The following SPAG16 variants were observed in gnomAD, a reference collection of about 807,000 sequenced individuals.
The protein encoded by SPAG16 is sperm associated antigen 16.
SPAG16 carries 86 observed loss-of-function variants against 80.4 expected under a neutral mutation model. The ratio of observed to expected loss-of-function variants is 1.07; its 90% CI spans 0.90 to 1.28. SPAG16 has a LOEUF of 1.28. SPAG16 is among the 50% of genes most tolerant of loss of function. The pLI, the probability that SPAG16 is intolerant of heterozygous loss-of-function variation, is 0.00. For synonymous variants in SPAG16, 294 were observed against 265.9 expected (o/e 1.11, Z -1.03); for missense variants, 870 against 765.3 (o/e 1.14, Z -1.61).
chr2:213,681,973 G>A lies in SPAG16; in HGVS notation c.1071-180512G>A, dbSNP rs185112393. 1.3e-4 allele frequency among the ~76,000 whole-genome samples: 20 copies of A among 152,188 alleles called. No homozygotes were observed. In the East Asian group the frequency reaches 1.9e-3, roughly 15 times the overall value. On this transcript the variant is annotated intron_variant, in intron 10 of 15. Coordinates refer to ENST00000331683, the MANE Select transcript of SPAG16 (RefSeq NM_024532.5). Reference sequence around the variant, plus strand: ...AGATCCAGGCTCCTTTCCCTTCAGCGTGAATCTGTTACAGCTGTCCTCTGG... The same window carrying A: ...AGATCCAGGCTCCTTTCCCTTCAGCATGAATCTGTTACAGCTGTCCTCTGG...
chr2:213,489,325 T>G (rs958853961), intron 9 of SPAG16, among the ~76,000 whole-genome samples: 1 of 152,130 alleles, frequency 6.6e-6, no homozygotes, highest in Non-Finnish European at 1.5e-5. Context: ...GACTACTTTC[T>G]CATGGACTGA....
intron 9 of SPAG16, among the ~76,000 whole-genome samples, chr2:213,389,169 G>T (rs1266371188): frequency 6.6e-6 from 1 of 152,140 alleles, no homozygotes. Flanking sequence ...AATGGGGAAA[G>T]ACAGTCTTTT....
At chr2:213,330,902 C>T (rs2064071096) in intron 5 of SPAG16, among the ~76,000 whole-genome samples, 1 of 152,108 alleles carries the variant, frequency 6.6e-6, no homozygotes, top group Non-Finnish European at 1.5e-5. Context: ...GGGAGTTTAC[C>T]TGCACAAGCT....
At chr2:213,861,279 A>G (rs974427008) in intron 10 of SPAG16, among the ~76,000 whole-genome samples, 1 of 152,232 alleles carries the variant, frequency 6.6e-6, no homozygotes, top group Non-Finnish European at 1.5e-5. Flanking sequence ...TGATAATTTT[A>G]GAGTTTAATG....
intron 15 of SPAG16, chr2:214,240,333 T>A (rs950308203): frequency 6.6e-6 from 1 of 152,230 alleles, no homozygotes; most frequent in Non-Finnish European, 1.5e-5. Flanking sequence ...GTGTATTTTT[T>A]AAAATTGTTT....
At chr2:213,952,286 T>C (rs910917330) in intron 12 of SPAG16, among the ~76,000 whole-genome samples, 1 of 151,984 alleles carries the variant, frequency 6.6e-6, no homozygotes, top group Admixed American at 6.6e-5. Flanking sequence ...TACATAAAAA[T>C]GTAATTAATA....
chr2:214,383,124 A>G (rs905748490), intron 15 of SPAG16, among the ~76,000 whole-genome samples: 4 of 152,190 alleles, frequency 2.6e-5, no homozygotes, highest in African/African-American at 9.7e-5. Flanking sequence ...TGAACTTATA[A>G]TCCAATAGGG....
chr2:213,851,819 CTG>C (rs766511894), intron 10 of SPAG16, among the ~76,000 whole-genome samples: 6 of 152,170 alleles, frequency 3.9e-5, no homozygotes, highest in African/African-American at 1.4e-4. Flanking sequence ...AGTCCACAAA[CTG>C]TGAAAAAACT....
At chr2:214,298,161 C>CACACACACACACACAT (rs1694295468) in intron 15 of SPAG16, among the ~76,000 whole-genome samples, 1 of 17,124 alleles carries the variant, frequency 5.8e-5, no homozygotes, top group Non-Finnish European at 2.6e-4. Context: ...CACACATATA[C>CACACACACACACACAT]ACACACACAC....
At chr2:214,244,438 A>AAATT (rs1420887076) in intron 15 of SPAG16, among the ~76,000 whole-genome samples, 3 of 151,824 alleles carry the variant, frequency 2.0e-5, no homozygotes, top group Non-Finnish European at 4.4e-5. Flanking sequence ...CATGATTTTT[A>AAATT]AATTACTCTC....
intron 15 of SPAG16, among the ~76,000 whole-genome samples, chr2:214,303,720 TTTC>T (rs1022094347): frequency 6.6e-6 from 1 of 152,212 alleles, no homozygotes; most frequent in Admixed American, 6.5e-5. Context: ...TGATTTTCTT[TTTC>T]TTCTTCTCCC....
chr2:213,789,056 A>C (rs1320311191), intron 10 of SPAG16, among the ~76,000 whole-genome samples: 4 of 151,988 alleles, frequency 2.6e-5, no homozygotes, highest in African/African-American at 4.8e-5. Context: ...AGTATACTTA[A>C]AGATAAGCAA....
chr2:214,029,753 T>C (rs1191988489), intron 13 of SPAG16, among the ~76,000 whole-genome samples: 2 of 152,126 alleles, frequency 1.3e-5, no homozygotes, highest in African/African-American at 2.4e-5. Flanking sequence ...AATTACTCAG[T>C]CACTCACAAA....
At chr2:213,795,042 G>A (rs987985631) in intron 10 of SPAG16, among the ~76,000 whole-genome samples, 3 of 152,062 alleles carry the variant, frequency 2.0e-5, no homozygotes, top group African/African-American at 7.2e-5. Flanking sequence ...GAAGATAATT[G>A]AGCCGATGAG....
intron 10 of SPAG16, among the ~76,000 whole-genome samples, chr2:213,666,408 A>G (rs1255903645): frequency 2.6e-5 from 4 of 152,140 alleles, no homozygotes; most frequent in Non-Finnish European, 5.9e-5. Flanking sequence ...AAATTTTGAC[A>G]CTGCGAAAGA....
intron 9 of SPAG16, among the ~76,000 whole-genome samples, chr2:213,411,205 A>G (rs888371880): frequency 3.3e-5 from 5 of 152,234 alleles, no homozygotes; most frequent in African/African-American, 1.2e-4. Flanking sequence ...AAAATAAGAC[A>G]TTGTAAAGCA....
intron 9 of SPAG16, among the ~76,000 whole-genome samples, chr2:213,423,115 A>G (rs1264990997): frequency 1.3e-5 from 2 of 152,214 alleles, no homozygotes; most frequent in Non-Finnish European, 2.9e-5. Context: ...ATTTAGGGAG[A>G]TGAATCATTC....
intron 14 of SPAG16, among the ~76,000 whole-genome samples, chr2:214,113,231 C>T (rs1482465655): frequency 6.6e-6 from 1 of 152,166 alleles, no homozygotes; most frequent in East Asian, 1.9e-4. Context: ...CCTGACCTTT[C>T]TCTCTGGCTG....
At chr2:213,944,889 T>A (rs2079372924) in intron 12 of SPAG16, among the ~76,000 whole-genome samples, 1 of 151,952 alleles carries the variant, frequency 6.6e-6, no homozygotes. Flanking sequence ...CAAAAATAAA[T>A]TAGCCGGGCG....
Sources: gnomAD v4.1 joint callset for allele counts (sites outside exome capture counted in the v4.1 genomes callset) on GRCh38, gnomAD v4.1.1 for gene constraint, MANE v1.5 for transcripts, NCBI Gene and HGNC (gene_info 2026-07-23, HGNC 2026-07-21) for gene names.